NKAIN2: variants seen among roughly 807,000 people sequenced by gnomAD.
The protein encoded by NKAIN2 is sodium/potassium-transporting ATPase subunit beta-1-interacting protein 2.
Under a neutral mutation model 32.6 loss-of-function variants are expected in NKAIN2, and 14 were observed. That is an observed-to-expected ratio of 0.43 (90% confidence interval 0.28 to 0.67). The LOEUF is 0.67. NKAIN2 is among the 30% of genes least tolerant of loss of function. NKAIN2 has a pLI of 0.17. For synonymous variants in NKAIN2, 80 were observed against 87.2 expected, an observed-to-expected ratio of 0.92 and a Z score of 0.46; for missense variants, 198 against 258.3, an observed-to-expected ratio of 0.77 and a Z score of 1.60.
chr6:124,518,099 T>G (rs974131456), intron 3 of NKAIN2, among the ~76,000 whole-genome samples: 1 of 152,028 alleles, frequency 6.6e-6, no homozygotes, highest in Non-Finnish European at 1.5e-5. Context: ...TATTGTACCA[T>G]GAAAGCTAAG....
intron 1 of NKAIN2, among the ~76,000 whole-genome samples, chr6:123,860,181 T>C (rs1775727482): frequency 6.6e-6 from 1 of 151,966 alleles, no homozygotes; most frequent in African/African-American, 2.4e-5. Context: ...CCCAAGAATT[T>C]CACCAAACAT....
Position 124,231,652 on chromosome 6 carries a change from C to T in NKAIN2, c.55-51353C>T, listed in dbSNP as rs564109100. On this transcript the variant is annotated intron_variant, in intron 1 of 6. Transcript: ENST00000368417. ...TTTTAAAAATGGGAGTTTCCCTGCACAAGCTCTCTTTTTGCTTTCCACCAT... is the reference window on the plus strand; with the variant it reads ...TTTTAAAAATGGGAGTTTCCCTGCATAAGCTCTCTTTTTGCTTTCCACCAT... 9.2e-5 allele frequency among the ~76,000 whole-genome samples: 14 copies of T among 152,162 alleles called. No individual in the cohort carries two copies. The East Asian group carries it at 1.2e-3, about 13-fold the overall frequency.
chr6:124,240,753 A>G (rs575094780), intron 1 of NKAIN2, among the ~76,000 whole-genome samples: 2 of 152,246 alleles, frequency 1.3e-5, no homozygotes, highest in South Asian at 4.1e-4. Context: ...TCTCAAAATA[A>G]TGAGCTATTT....
rs1024050972 is a variant in NKAIN2, at chr6:124,744,336, T to G, written c.475-47003T>G. Among the ~76,000 whole-genome samples, 5 of 151,982 alleles carry G rather than the reference T, an allele frequency of 3.3e-5. No homozygotes were observed. In the East Asian group the frequency reaches 9.7e-4, roughly 30 times the overall value. On this transcript the variant is annotated intron_variant, in intron 4 of 6. Coordinates refer to ENST00000368417, the MANE Select transcript of NKAIN2 (RefSeq NM_001040214.3). ...GGAGGGAAAGGAAGATGGATTTAGT[T>G]TATAAGACCATCTGAGTGACTTATG...
intron 1 of NKAIN2, among the ~76,000 whole-genome samples, chr6:123,821,202 G>T (rs183637575): frequency 6.6e-6 from 1 of 152,324 alleles, no homozygotes; most frequent in Admixed American, 6.5e-5. Flanking sequence ...GTAGAAGTGA[G>T]ACGTAGCCAC....
chr6:123,888,129 A>T (rs775984593), intron 1 of NKAIN2, among the ~76,000 whole-genome samples: 1 of 152,136 alleles, frequency 6.6e-6, no homozygotes, highest in Non-Finnish European at 1.5e-5. Flanking sequence ...TATCTAGAGT[A>T]AAAACAATCT....
chr6:123,879,551 AG>A (rs1372502947), intron 1 of NKAIN2, among the ~76,000 whole-genome samples: 2 of 152,196 alleles, frequency 1.3e-5, no homozygotes, highest in African/African-American at 4.8e-5. Context: ...TCAGGAGCTC[AG>A]GTTCTTTCTA....
intron 1 of NKAIN2, among the ~76,000 whole-genome samples, chr6:124,069,083 C>A: frequency 6.6e-6 from 1 of 152,212 alleles, no homozygotes; most frequent in East Asian, 1.9e-4. Flanking sequence ...TTTTGAAAAC[C>A]TCTTTGGTTA....
At chr6:124,035,082 A>T (rs546802181) in intron 1 of NKAIN2, among the ~76,000 whole-genome samples, 6 of 152,262 alleles carry the variant, frequency 3.9e-5, no homozygotes, top group Admixed American at 6.6e-5. Flanking sequence ...CTTCGATTGC[A>T]AATATGTATA....
chr6:124,742,147 C>T (rs1777243204), intron 4 of NKAIN2, among the ~76,000 whole-genome samples: 1 of 151,826 alleles, frequency 6.6e-6, no homozygotes, highest in African/African-American at 2.4e-5. Context: ...AGGTAATGTG[C>T]TTGTTAATTT....
intron 2 of NKAIN2, among the ~76,000 whole-genome samples, chr6:124,315,536 C>T (rs1046610173): frequency 6.6e-6 from 1 of 152,100 alleles, no homozygotes; most frequent in Non-Finnish European, 1.5e-5. Context: ...AGAGCCTAAA[C>T]TCTTTTCTAG....
chr6:123,898,493 A>G (rs1177258954), intron 1 of NKAIN2, among the ~76,000 whole-genome samples: 1 of 151,656 alleles, frequency 6.6e-6, no homozygotes, highest in Non-Finnish European at 1.5e-5. Context: ...AGACTGATTC[A>G]TTAATCAACA....
chr6:124,259,790 G>C (rs761724547), intron 1 of NKAIN2, among the ~76,000 whole-genome samples: 2 of 152,102 alleles, frequency 1.3e-5, no homozygotes, highest in East Asian at 3.9e-4. Flanking sequence ...ATCTACACCC[G>C]TGCTGCAGGT....
chr6:124,107,421 G>C (rs1458038558), intron 1 of NKAIN2, among the ~76,000 whole-genome samples: 2 of 152,088 alleles, frequency 1.3e-5, no homozygotes, highest in Non-Finnish European at 2.9e-5. Flanking sequence ...TCCAAAAGGT[G>C]ATGATAACAG....
chr6:124,725,063 T>C (rs1319460812), intron 4 of NKAIN2, among the ~76,000 whole-genome samples: 1 of 152,208 alleles, frequency 6.6e-6, no homozygotes, highest in Non-Finnish European at 1.5e-5. Flanking sequence ...CTTGCCCCTT[T>C]CTTCCTTCTT....
chr6:124,683,541 AATAGAAACCCCAT>A (rs1002536029), intron 4 of NKAIN2, among the ~76,000 whole-genome samples: 3 of 152,280 alleles, frequency 2.0e-5, no homozygotes, highest in African/African-American at 7.2e-5. Flanking sequence ...GGCTCAGAGA[AATAGAAACCCCAT>A]ATAGAGGAGA....
chr6:123,840,205 T>C (rs1774810510), intron 1 of NKAIN2, among the ~76,000 whole-genome samples: 1 of 152,242 alleles, frequency 6.6e-6, no homozygotes, highest in Admixed American at 6.5e-5. Flanking sequence ...TAATTACTAC[T>C]GTTATCCAGA....
At chr6:124,743,900 G>A (rs1777338859) in intron 4 of NKAIN2, among the ~76,000 whole-genome samples, 1 of 151,720 alleles carries the variant, frequency 6.6e-6, no homozygotes, top group Non-Finnish European at 1.5e-5. Context: ...AGAGTTTGCT[G>A]TAGAATAAAT....
intron 1 of NKAIN2, among the ~76,000 whole-genome samples, chr6:124,011,911 A>G (rs1260450285): frequency 6.6e-6 from 1 of 152,134 alleles, no homozygotes; most frequent in African/African-American, 2.4e-5. Context: ...ATGAACATCA[A>G]TGGGCTTTTC....
Sources: allele counts gnomAD v4.1 joint callset (sites outside exome capture counted in the v4.1 genomes callset), GRCh38; gene constraint gnomAD v4.1.1; transcripts MANE v1.5; gene names NCBI Gene and HGNC (gene_info 2026-07-23, HGNC 2026-07-21).